Variants in CHD6 observed in about 807,000 individuals in gnomAD.
CHD6 encodes the protein chromodomain helicase DNA binding protein 6, also known as ATP-dependent chromatin remodeler CHD6.
CHD6 carries 50 observed loss-of-function variants against 276.9 expected under a neutral mutation model. The ratio of observed to expected loss-of-function variants is 0.18; its 90% CI spans 0.14 to 0.23. The LOEUF is 0.23. CHD6 is among the 10% of genes least tolerant of loss of function. The pLI is 1.00. For synonymous variants in CHD6, 1,173 were observed against 1,229.3 expected, an observed-to-expected ratio of 0.95 and a Z score of 0.96; for missense variants, 2,564 against 3,365.8, an observed-to-expected ratio of 0.76 and a Z score of 5.89.
intron 3 of CHD6, among the ~76,000 whole-genome samples, chr20:41,527,805 T>C (rs1265660362): frequency 1.3e-5 from 2 of 151,978 alleles, no homozygotes; most frequent in Non-Finnish European, 2.9e-5. Context: ...GTGTCGGGGG[T>C]TGGGGTCTAA....
Position 41,504,077 on chromosome 20 carries a change from C to CAAAAAAAAAAAAAAAAAAAAAAA in CHD6, c.853-4743_853-4721dup, listed in dbSNP as rs1189323419. 5.5e-4 allele frequency among the ~76,000 whole-genome samples: 15 copies of CAAAAAAAAAAAAAAAAAAAAAAA among 27,092 alleles called. 1 individual carries two copies. Among genetic ancestry groups the CAAAAAAAAAAAAAAAAAAAAAAA allele is most frequent in the East Asian group, 1.5e-3 (1 of 678 alleles). The allele number at this position is 27,092 out of a possible 152,430, so 17.8% of individuals were successfully genotyped here. ...TGGGTGATAGAGTGAGACTCTGTCT[C>CAAAAAAAAAAAAAAAAAAAAAAA]AAAAAAAAAAAAAAAAAAAAAAAAA... On this transcript the variant is annotated intron_variant, in intron 5 of 36. Coordinates refer to ENST00000373233, the MANE Select transcript of CHD6 (RefSeq NM_032221.5).
intron 3 of CHD6, among the ~76,000 whole-genome samples, chr20:41,525,917 C>A (rs966643871): frequency 4.6e-5 from 7 of 152,058 alleles, no homozygotes; most frequent in African/African-American, 1.7e-4. Flanking sequence ...GTGAAAAGCA[C>A]CTCAAATTCA....
At chr20:41,464,252 GAATTGATGTT>G (rs2042868399) in intron 17 of CHD6, among the ~76,000 whole-genome samples, 1 of 152,108 alleles carries the variant, frequency 6.6e-6, no homozygotes, top group African/African-American at 2.4e-5. Context: ...TGAGTTTTAG[GAATTGATGTT>G]TCCCCCTATT....
intron 29 of CHD6, 63 bp from the exon 30 acceptor site, chr20:41,423,763 T>C: frequency 7.6e-7 from 1 of 1,311,986 alleles, no homozygotes; most frequent in Non-Finnish European, 1.1e-6. Flanking sequence ...CAATAACTGC[T>C]TATTGAGAGC....
In CHD6 at chr20:41,422,087, G is replaced by C. The variant is rs767137441; in HGVS notation, c.4556-8C>G. On this transcript the variant is annotated splice_polypyrimidine_tract_variant and splice_region_variant and intron_variant, in intron 30 of 36. Transcript: ENST00000373233. Reference sequence around the variant, plus strand: ...TGGTGGTATCTGGGGGACCTGGAGAGAAAGGGAAATAAAGCCTATCACTGA... The same window carrying C: ...TGGTGGTATCTGGGGGACCTGGAGACAAAGGGAAATAAAGCCTATCACTGA... The C allele has an allele frequency of 2.7e-5, 43 of 1,596,072 alleles. No individual in the cohort carries two copies. The highest frequency in any genetic ancestry group is 2.6e-6 in the Non-Finnish European group (3 of 1,169,256).
intron 16 of CHD6, among the ~76,000 whole-genome samples, chr20:41,479,819 C>T (rs766950052): frequency 3.9e-5 from 6 of 152,202 alleles, no homozygotes; most frequent in South Asian, 2.1e-4. Context: ...ATTTAGTATC[C>T]AGCACCAATG....
Position 41,421,273 on chromosome 20 carries a change from C to T in CHD6, c.5362G>A (p.Gly1788Arg), listed in dbSNP as rs2047182164. The part of the protein sequence containing the change: ...KHLLMSISKE[G>R]ELCCSEAGQR... Reference sequence around the variant, plus strand: ...CCTGCCTCACTGCAGCAGAGCTCCCCTTCCTTTGAAATAGACATCAACAAA... The same window carrying T: ...CCTGCCTCACTGCAGCAGAGCTCCCTTTCCTTTGAAATAGACATCAACAAA... Residue 1788 changes from glycine (G) to arginine (R), a missense_variant, in exon 31 of 37, where the codon GGG (glycine) becomes AGG (arginine). Coordinates refer to ENST00000373233, the MANE Select transcript of CHD6 (RefSeq NM_032221.5). 1.9e-6 allele frequency: 3 copies of T among 1,614,024 alleles called. No individual in the cohort carries two copies. The highest frequency in any genetic ancestry group is 3.3e-5 in the Admixed American group (2 of 60,006).
chr20:41,554,213 G>A (rs2045187220), intron 1 of CHD6, among the ~76,000 whole-genome samples: 1 of 152,110 alleles, frequency 6.6e-6, no homozygotes, highest in South Asian at 2.1e-4. Flanking sequence ...CTTTTGTAAT[G>A]TATAAAGAAC....
At chr20:41,496,515 A>G (rs1233175300) in intron 8 of CHD6, among the ~76,000 whole-genome samples, 5 of 152,334 alleles carry the variant, frequency 3.3e-5, no homozygotes, top group Non-Finnish European at 4.4e-5. Context: ...GCAGCTGGAA[A>G]TAATGGATAC....
At chr20:41,605,877 A>G (rs1392027920) in intron 1 of CHD6, among the ~76,000 whole-genome samples, 1 of 152,248 alleles carries the variant, frequency 6.6e-6, no homozygotes, top group Non-Finnish European at 1.5e-5. Context: ...ATACTTGACC[A>G]AATGAAAACT....
At chr20:41,449,323 G>C (rs1002602255) in intron 23 of CHD6, among the ~76,000 whole-genome samples, 4 of 152,332 alleles carry the variant, frequency 2.6e-5, no homozygotes, top group Middle Eastern at 3.4e-3. Context: ...AAGTGGAACA[G>C]AATGTCAGAG....
Position 41,551,378 on chromosome 20 carries a change from A to G in CHD6, c.-23-18T>C, listed in dbSNP as rs1283605937. 8.6e-7 allele frequency: 1 copy of G among 1,168,014 alleles called. No individual in the cohort carries two copies. Among genetic ancestry groups the G allele is most frequent in the Non-Finnish European group, 1.3e-6 (1 of 791,996 alleles). The allele number at this position is 1,168,014 out of a possible 1,614,324, so 72.4% of individuals were successfully genotyped here. A position where few individuals can be genotyped will look rare whatever the true frequency, so the allele number is the denominator to read the frequency against. On this transcript the variant is annotated intron_variant, in intron 1 of 36. Transcript: ENST00000373233. ...ATTTATTTCTGTAAAACATTTTTAAAAAGGCAAAGATTATGACAAAACCCA... is the reference window on the plus strand; with the variant it reads ...ATTTATTTCTGTAAAACATTTTTAAGAAGGCAAAGATTATGACAAAACCCA...
At position 41,405,045 on chromosome 20, in the gene CHD6, C is replaced by CA; in HGVS notation, c.7695dup (p.Glu2566Ter). On this transcript the variant is annotated frameshift_variant, in exon 37 of 37. Coordinates refer to ENST00000373233, the MANE Select transcript of CHD6 (RefSeq NM_032221.5). LOFTEE classifies it high-confidence loss of function. ...CTCGGCTTGTCTTCCGCAGTCTTTT[C>CA]AGTCACTGCCGTACCACTTTTCGTT... 6.2e-7 allele frequency: 1 copy of CA among 1,614,246 alleles called. No individual in the cohort carries two copies. The highest frequency in any genetic ancestry group is 1.1e-5 in the South Asian group (1 of 91,086).
chr20:41,424,679 T>C (rs1391694977), intron 29 of CHD6, among the ~76,000 whole-genome samples: 1 of 152,260 alleles, frequency 6.6e-6, no homozygotes, highest in African/African-American at 2.4e-5. Flanking sequence ...TAGCCTATGC[T>C]GGCCTTCTGT....
At chr20:41,470,886 T>C (rs553709073) in intron 17 of CHD6, among the ~76,000 whole-genome samples, 2 of 152,256 alleles carry the variant, frequency 1.3e-5, no homozygotes, top group Non-Finnish European at 2.9e-5. Context: ...GCCAGCCCCA[T>C]GCTTCCACTG....
intron 27 of CHD6, among the ~76,000 whole-genome samples, chr20:41,435,999 T>G (rs559134650): frequency 6.6e-6 from 1 of 152,278 alleles, no homozygotes; most frequent in African/African-American, 2.4e-5. Context: ...ATTTTTTAAT[T>G]TTTTGTAGAG....
chr20:41,419,230 C>T (rs530513700), intron 31 of CHD6, among the ~76,000 whole-genome samples: 2 of 152,150 alleles, frequency 1.3e-5, no homozygotes, highest in South Asian at 4.2e-4. Context: ...GGTTCAGACT[C>T]TTCCCAAGAG....
chr20:41,440,481 G>C (rs2047867455), intron 25 of CHD6, among the ~76,000 whole-genome samples: 1 of 152,124 alleles, frequency 6.6e-6, no homozygotes, highest in Admixed American at 6.5e-5. Flanking sequence ...TATGGGCCTT[G>C]TTTTCTTACA....
intron 1 of CHD6, among the ~76,000 whole-genome samples, chr20:41,570,168 A>T (rs1345704915): frequency 6.6e-6 from 1 of 152,232 alleles, no homozygotes; most frequent in Non-Finnish European, 1.5e-5. Flanking sequence ...GACAGTCTTT[A>T]CTGGTGGCAG....
Sources: allele counts gnomAD v4.1 joint callset (sites outside exome capture counted in the v4.1 genomes callset), GRCh38; gene constraint gnomAD v4.1.1; transcripts MANE v1.5; gene names NCBI Gene and HGNC (gene_info 2026-07-23, HGNC 2026-07-21).